Variants in SNX10 observed in about 807,000 individuals in gnomAD.
The protein encoded by SNX10 is sorting nexin-10.
In SNX10, 25 loss-of-function variants were observed where a neutral mutation model predicts 28.5. That is an observed-to-expected ratio of 0.88 (90% CI 0.64 to 1.22). SNX10 has a LOEUF of 1.22. Among genes scored for constraint, SNX10 ranks in the 50% most tolerant of loss-of-function variants. The pLI is 0.00. For missense variants in SNX10, 223 were observed against 242.6 expected (o/e 0.92, Z 0.54); for synonymous variants, 62 against 81.4 (o/e 0.76, Z 1.28).
At chr7:26,348,507 C>A (rs1168054335) in intron 2 of SNX10, among the ~76,000 whole-genome samples, 1 of 152,224 alleles carries the variant, frequency 6.6e-6, no homozygotes, top group East Asian at 1.9e-4. Flanking sequence ...AAGAGCTGGA[C>A]GCATGGGCAG....
At chr7:26,314,542 C>A (rs936638195) in intron 1 of SNX10, among the ~76,000 whole-genome samples, 3 of 152,062 alleles carry the variant, frequency 2.0e-5, no homozygotes, top group African/African-American at 7.2e-5. Context: ...GCTCTGAAAC[C>A]CTTGGGCTTT....
At chr7:26,313,165 G>C (rs1191164206) in intron 1 of SNX10, among the ~76,000 whole-genome samples, 1 of 152,200 alleles carries the variant, frequency 6.6e-6, no homozygotes, top group African/African-American at 2.4e-5. Flanking sequence ...CACAAAAAGA[G>C]AACGAGGCTA....
At position 26,335,735 on chromosome 7, in the gene SNX10, C is replaced by CTTTTTTTTTTTTTTTTTT. The variant is rs57340085; in HGVS notation, c.-23-10676_-23-10659dup. Among the ~76,000 whole-genome samples the CTTTTTTTTTTTTTTTTTT allele has an allele frequency of 5.2e-4, 44 of 84,272 alleles. 6 individuals carry two copies. Among genetic ancestry groups the CTTTTTTTTTTTTTTTTTT allele is most frequent in the Non-Finnish European group, 7.9e-4 (34 of 43,306 alleles). 55.3% of individuals were successfully genotyped at this position (84,272 alleles called of 152,430 possible). Reference sequence around the variant, plus strand: ...AAAATAACCTCGCAGATGGAATATTCTTTTTTTTTTTTTTTTTTTTTTTTT... The same window carrying CTTTTTTTTTTTTTTTTTT: ...AAAATAACCTCGCAGATGGAATATTCTTTTTTTTTTTTTTTTTTTTTTTTTTTTTTTTTTTTTTTTTTT... On this transcript the variant is annotated intron_variant, in intron 1 of 6. Transcript: ENST00000338523.
intron 1 of SNX10, among the ~76,000 whole-genome samples, chr7:26,340,787 G>T (rs1788151565): frequency 6.6e-6 from 1 of 152,204 alleles, no homozygotes; most frequent in Non-Finnish European, 1.5e-5. Context: ...TTATTTTAGA[G>T]ACAGAGTCTC....
At chr7:26,320,475 G>T (rs899198772) in intron 1 of SNX10, among the ~76,000 whole-genome samples, 1 of 150,310 alleles carries the variant, frequency 6.7e-6, no homozygotes, top group Admixed American at 6.6e-5. Context: ...TCTGTTGCCC[G>T]GGCTGGAGTG....
intron 1 of SNX10, chr7:26,293,000 G>C (rs1390507785): frequency 6.6e-6 from 1 of 152,252 alleles, no homozygotes; most frequent in Admixed American, 6.5e-5. Flanking sequence ...TCTCCCAGGA[G>C]GGGGCTGGGC....
At chr7:26,311,395 CCCGCCTCGG>C (rs1291689429) in intron 1 of SNX10, among the ~76,000 whole-genome samples, 4 of 152,202 alleles carry the variant, frequency 2.6e-5, no homozygotes, top group African/African-American at 9.6e-5. Flanking sequence ...AAGCGATTCT[CCCGCCTCGG>C]CCTCCAAAAG....
rs189352589 is a variant in SNX10, at chr7:26,363,567, A to C, written c.112-968A>C. Among the ~76,000 whole-genome samples the C allele has an allele frequency of 5.0e-3, 756 of 152,324 alleles. 2 individuals carry two copies. The highest frequency in any genetic ancestry group is 0.017 in the Middle Eastern group (5 of 294). ...ATTTTGGTAGTCGCTTGTTTTACTCAAAGGAGAATATTTACTCTCGTCTTA... is the reference window on the plus strand; with the variant it reads ...ATTTTGGTAGTCGCTTGTTTTACTCCAAGGAGAATATTTACTCTCGTCTTA... On this transcript the variant is annotated intron_variant, in intron 3 of 6. Coordinates refer to ENST00000338523, the MANE Select transcript of SNX10 (RefSeq NM_013322.3).
chr7:26,363,963 A>T (rs1282012349), intron 3 of SNX10, among the ~76,000 whole-genome samples: 1 of 152,122 alleles, frequency 6.6e-6, no homozygotes, highest in African/African-American at 2.4e-5. Flanking sequence ...GTTTATCCCC[A>T]CGTACCACGG....
At chr7:26,347,937 A>G (rs968830042) in intron 2 of SNX10, among the ~76,000 whole-genome samples, 1 of 131,482 alleles carries the variant, frequency 7.6e-6, no homozygotes, top group African/African-American at 3.0e-5. Context: ...ATGTAGCTCA[A>G]TGGATTTTTG....
chr7:26,372,210 TCA>T, intron 6 of SNX10, 177 bp downstream of exon 6: 1 of 601,992 alleles, frequency 1.7e-6, no homozygotes, highest in Admixed American at 3.0e-5. Context: ...ATAGTAGTCT[TCA>T]CACACACCTC....
intron 1 of SNX10, among the ~76,000 whole-genome samples, chr7:26,297,509 G>A (rs1424212694): frequency 6.6e-6 from 1 of 152,162 alleles, no homozygotes; most frequent in African/African-American, 2.4e-5. Flanking sequence ...TATACTTCAT[G>A]TCTAGTAGTT....
chr7:26,372,308 C>T (rs577073139), intron 6 of SNX10, 183 bp from the exon 7 acceptor site: 22 of 608,546 alleles, frequency 3.6e-5, no homozygotes, highest in Non-Finnish European at 5.9e-5. Flanking sequence ...GAATTATTCG[C>T]GTTTAAATTA....
intron 1 of SNX10, among the ~76,000 whole-genome samples, chr7:26,294,631 A>G (rs565877812): frequency 6.6e-6 from 1 of 152,328 alleles, no homozygotes; most frequent in South Asian, 2.1e-4. Flanking sequence ...CTAAGCCATC[A>G]GAGTATTTAT....
chr7:26,313,048 C>G (rs1464144163), intron 1 of SNX10, among the ~76,000 whole-genome samples: 1 of 152,186 alleles, frequency 6.6e-6, no homozygotes, highest in Non-Finnish European at 1.5e-5. Context: ...GAAATTTACT[C>G]ATGCAGGTAT....
intron 1 of SNX10, among the ~76,000 whole-genome samples, chr7:26,322,235 A>T (rs1158526337): frequency 6.6e-6 from 1 of 152,174 alleles, no homozygotes; most frequent in Admixed American, 6.5e-5. Context: ...GATTTGTGGA[A>T]TTCTTGGATT....
chr7:26,359,419 G>T (rs191232953), intron 2 of SNX10, among the ~76,000 whole-genome samples: 1 of 152,058 alleles, frequency 6.6e-6, no homozygotes. Context: ...GCTCTCAAGC[G>T]TTCATAGCCT....
chr7:26,298,836 C>T (rs1786208590), intron 1 of SNX10, among the ~76,000 whole-genome samples: 1 of 152,320 alleles, frequency 6.6e-6, no homozygotes, highest in Non-Finnish European at 1.5e-5. Flanking sequence ...GCTGCGTCCT[C>T]ACATGGTGGA....
intron 1 of SNX10, among the ~76,000 whole-genome samples, chr7:26,308,966 A>G (rs565625496): frequency 3.2e-4 from 49 of 152,300 alleles, no homozygotes; most frequent in African/African-American, 1.1e-3. Context: ...TGGTCACAGC[A>G]ATCTTCTATG....
Sources: allele counts gnomAD v4.1 joint callset (sites outside exome capture counted in the v4.1 genomes callset), GRCh38; gene constraint gnomAD v4.1.1; transcripts MANE v1.5; gene names NCBI Gene and HGNC (gene_info 2026-07-23, HGNC 2026-07-21).